The following CIRSR variants were observed in gnomAD, a reference collection of about 807,000 sequenced individuals.
The protein encoded by CIRSR is CBF1 (RBPJ) interacting corepressor 1.
chr2:174,370,837 G>A, the CIRSR span, among the ~76,000 whole-genome samples: 2 of 151,828 alleles, frequency 1.3e-5, no homozygotes, highest in Non-Finnish European at 2.9e-5. Context: ...TGTGAACCCA[G>A]GAGGTGGAGC....
chr2:174,381,290 G>A, the CIRSR span, among the ~76,000 whole-genome samples: 1 of 152,198 alleles, frequency 6.6e-6, no homozygotes, highest in Admixed American at 6.5e-5. Flanking sequence ...AAAAGATGGA[G>A]AGCAACTTTA....
At chr2:174,374,250 A>G in the CIRSR span, among the ~76,000 whole-genome samples, 1 of 152,090 alleles carries the variant, frequency 6.6e-6, no homozygotes, top group Non-Finnish European at 1.5e-5. Flanking sequence ...CTTTCTTTCT[A>G]CCTAAGTTTT....
chr2:174,348,246 T>C, the CIRSR span: 2 of 424,556 alleles, frequency 4.7e-6, no homozygotes, highest in Non-Finnish European at 8.0e-6. Flanking sequence ...CAAGAAACAG[T>C]TACCAACAGA....
chr2:174,354,428 T>C, the CIRSR span, among the ~76,000 whole-genome samples: 2 of 50,708 alleles, frequency 3.9e-5, no homozygotes, highest in Non-Finnish European at 3.9e-5. Flanking sequence ...ATATATATTA[T>C]ATGATATATA....
the CIRSR span, chr2:174,380,346 C>A: frequency 1.2e-6 from 1 of 857,142 alleles, no homozygotes; most frequent in Non-Finnish European, 1.8e-6. Context: ...GTTCTAAGAA[C>A]ATTATGAAAT....
At chr2:174,369,650 G>C in the CIRSR span, among the ~76,000 whole-genome samples, 305 of 152,316 alleles carry the variant, frequency 2.0e-3, 4 homozygotes, top group Admixed American at 3.0e-3. Context: ...AGAGGCCACT[G>C]TATGGTTATT....
chr2:174,384,487 T>C, the CIRSR span, among the ~76,000 whole-genome samples: 1 of 152,212 alleles, frequency 6.6e-6, no homozygotes, highest in Non-Finnish European at 1.5e-5. Flanking sequence ...GTACACTGAA[T>C]TGCACACTTA....
chr2:174,382,919 A>G, the CIRSR span, among the ~76,000 whole-genome samples: 5 of 152,232 alleles, frequency 3.3e-5, no homozygotes, highest in Non-Finnish European at 2.9e-5. Context: ...TATTTGGAAA[A>G]GACAATCACA....
At chr2:174,352,472 G>C in the CIRSR span, among the ~76,000 whole-genome samples, 1 of 152,148 alleles carries the variant, frequency 6.6e-6, no homozygotes, top group African/African-American at 2.4e-5. Context: ...TTTTCAGCTG[G>C]GAGTGGTGAC....
the CIRSR span, chr2:174,381,723 G>A: frequency 6.3e-7 from 1 of 1,594,624 alleles, no homozygotes; most frequent in South Asian, 1.1e-5. Context: ...CTCCTGGTGG[G>A]GCTTCATACA....
chr2:174,353,711 C>A, the CIRSR span, among the ~76,000 whole-genome samples: 2 of 152,266 alleles, frequency 1.3e-5, no homozygotes, highest in East Asian at 3.9e-4. Flanking sequence ...CGTGATCTGC[C>A]AGCCTCAGCC....
the CIRSR span, among the ~76,000 whole-genome samples, chr2:174,373,603 C>T: frequency 6.6e-6 from 1 of 152,134 alleles, no homozygotes; most frequent in Non-Finnish European, 1.5e-5. Flanking sequence ...TCCTAATTTA[C>T]ATGCCCATAG....
chr2:174,349,087 G>A, the CIRSR span: 2 of 1,544,188 alleles, frequency 1.3e-6, no homozygotes, highest in African/African-American at 2.8e-5. Context: ...GAGGACTTAT[G>A]TTTTTTGTGT....
chr2:174,395,691 C>A, the CIRSR span: 1 of 1,612,964 alleles, frequency 6.2e-7, no homozygotes, highest in South Asian at 1.1e-5. Context: ...AGCCGCCTAA[C>A]CGGAACTGCG....
the CIRSR span, among the ~76,000 whole-genome samples, chr2:174,391,031 TAAAC>T: frequency 4.6e-5 from 7 of 152,200 alleles, no homozygotes; most frequent in Admixed American, 2.0e-4. Flanking sequence ...TATGGATCAG[TAAAC>T]AAACACTTTC....
the CIRSR span, among the ~76,000 whole-genome samples, chr2:174,373,968 G>A: frequency 2.0e-5 from 3 of 152,098 alleles, no homozygotes; most frequent in African/African-American, 7.2e-5. Flanking sequence ...ACGTCATCTT[G>A]GAGAGTAAGA....
chr2:174,355,566 T>A, the CIRSR span, among the ~76,000 whole-genome samples: 1 of 152,200 alleles, frequency 6.6e-6, no homozygotes, highest in Non-Finnish European at 1.5e-5. Context: ...ATACCAATTG[T>A]GTACAGTTCC....
At chr2:174,349,058 GGAGGAAGAT>G in the CIRSR span, 141 of 1,592,050 alleles carry the variant, frequency 8.9e-5, 1 homozygote, top group South Asian at 6.5e-4. Context: ...AGGAGGAGGA[GGAGGAAGAT>G]GAGGAAGAAG....
the CIRSR span, among the ~76,000 whole-genome samples, chr2:174,352,438 T>C: frequency 6.6e-6 from 1 of 152,188 alleles, no homozygotes. Context: ...TTCCCAAATA[T>C]GAACTAACAA....
Sources: gnomAD v4.1 joint callset for allele counts (sites outside exome capture counted in the v4.1 genomes callset) on GRCh38, gnomAD v4.1.1 for gene constraint, MANE v1.5 for transcripts, NCBI Gene and HGNC (gene_info 2026-07-23, HGNC 2026-07-21) for gene names.